Variants in UBASH3B observed in about 807,000 individuals in gnomAD.
The protein encoded by UBASH3B is ubiquitin associated and SH3 domain containing B.
Under a neutral mutation model 83.4 loss-of-function variants are expected in UBASH3B, and 37 were observed. That is an observed-to-expected ratio of 0.44 (90% CI 0.34 to 0.58). UBASH3B has a LOEUF of 0.58. Ranked by LOEUF, UBASH3B falls within the 20% of genes least tolerant of loss-of-function variation. The pLI, the probability that UBASH3B is intolerant of heterozygous loss-of-function variation, is 0.01. For synonymous variants in UBASH3B, 304 were observed against 318.3 expected (o/e 0.96, Z 0.48); for missense variants, 657 against 827.2 (o/e 0.79, Z 2.52).
At chr11:122,787,602 T>A (rs1458051430) in intron 5 of UBASH3B, among the ~76,000 whole-genome samples, 1 of 152,170 alleles carries the variant, frequency 6.6e-6, no homozygotes, top group Non-Finnish European at 1.5e-5. Context: ...GCCAATTAGT[T>A]CACAGGCCTA....
At position 122,766,505 on chromosome 11, in the gene UBASH3B, A is replaced by G. The variant is rs535114561; in HGVS notation, c.162-9714A>G. On this transcript the variant is annotated intron_variant, in intron 1 of 13. Transcript: ENST00000284273. The stretch of plus-strand genomic sequence containing the variant: ...GCTTGCAGTGAGCCGAGATCGCGCC[A>G]CTGCACTCCAGCCTGGGCGACGGAG... Among the ~76,000 whole-genome samples, 780 of 152,310 alleles carry G rather than the reference A, an allele frequency of 5.1e-3. 4 individuals are homozygous for G. Among genetic ancestry groups the G allele is most frequent in the African/African-American group, 0.018 (751 of 41,566 alleles).
chr11:122,801,461 C>A, intron 11 of UBASH3B, 129 bp downstream of exon 11: 1 of 1,115,726 alleles, frequency 9.0e-7, no homozygotes, highest in Non-Finnish European at 1.2e-6. Flanking sequence ...TGGTGGAAAA[C>A]GAGCTATGAT....
At chr11:122,691,408 A>G (rs1304666530) in intron 1 of UBASH3B, among the ~76,000 whole-genome samples, 1 of 152,176 alleles carries the variant, frequency 6.6e-6, no homozygotes, top group Non-Finnish European at 1.5e-5. Flanking sequence ...TTGGGTGCAA[A>G]CTAGAGGAAA....
At chr11:122,753,605 T>C (rs1382291349) in intron 1 of UBASH3B, among the ~76,000 whole-genome samples, 1 of 146,036 alleles carries the variant, frequency 6.8e-6, no homozygotes, top group Non-Finnish European at 1.5e-5. Flanking sequence ...CAAGCGATTC[T>C]CCTGCCTCAG....
In UBASH3B at chr11:122,811,821, C is replaced by T. The variant is rs1344279546; in HGVS notation, c.*1935C>T. The stretch of plus-strand genomic sequence containing the variant: ...CCAATAAAGGTCTTAAGAGAAAAGT[C>T]ACATTACAAGTAATGTAATGGCTCT... On this transcript the variant is annotated 3_prime_UTR_variant, in exon 14 of 14. Transcript: ENST00000284273. 6.6e-5 allele frequency: 10 copies of T among 152,122 alleles called. No individual in the cohort carries two copies. The highest frequency in any genetic ancestry group is 1.5e-4 in the Non-Finnish European group (10 of 68,036). 9.4% of individuals were successfully genotyped at this position (152,122 alleles called of 1,614,324 possible). A position where few individuals can be genotyped will look rare whatever the true frequency, so the allele number is the denominator to read the frequency against.
At chr11:122,745,444 A>G (rs1861103624) in intron 1 of UBASH3B, among the ~76,000 whole-genome samples, 1 of 152,230 alleles carries the variant, frequency 6.6e-6, no homozygotes, top group African/African-American at 2.4e-5. Flanking sequence ...ACTGGGGAGC[A>G]TGATCACAGT....
At chr11:122,725,448 A>T (rs538855710) in intron 1 of UBASH3B, among the ~76,000 whole-genome samples, 2 of 152,032 alleles carry the variant, frequency 1.3e-5, no homozygotes, top group South Asian at 2.1e-4. Context: ...AACCGTGGTC[A>T]GGAGGCAAGG....
At chr11:122,784,064 C>G (rs1343220968) in intron 5 of UBASH3B, among the ~76,000 whole-genome samples, 1 of 152,026 alleles carries the variant, frequency 6.6e-6, no homozygotes, top group Non-Finnish European at 1.5e-5. Context: ...CCTCAGCCTC[C>G]CTAGTAGCTG....
intron 1 of UBASH3B, among the ~76,000 whole-genome samples, chr11:122,667,742 C>A (rs932814268): frequency 1.3e-5 from 2 of 152,132 alleles, no homozygotes; most frequent in Non-Finnish European, 2.9e-5. Flanking sequence ...TTGGAAGAAA[C>A]CTCCAGAGGT....
chr11:122,751,099 T>A (rs1260015305), intron 1 of UBASH3B, among the ~76,000 whole-genome samples: 2 of 93,812 alleles, frequency 2.1e-5, no homozygotes, highest in African/African-American at 6.1e-5. Flanking sequence ...CCATGTTGTT[T>A]ACGCTTCCCG....
chr11:122,798,583 C>T (rs7927656), intron 9 of UBASH3B, among the ~76,000 whole-genome samples: 8,935 of 151,652 alleles, frequency 0.059, 654 homozygotes, highest in East Asian at 0.31. Context: ...TGGTGGTGCG[C>T]GCCTGTACTC....
chr11:122,691,243 T>G (rs1168485648), intron 1 of UBASH3B, among the ~76,000 whole-genome samples: 1 of 152,236 alleles, frequency 6.6e-6, no homozygotes, highest in African/African-American at 2.4e-5. Flanking sequence ...TCTGGTAACA[T>G]CATCAAGAAG....
At chr11:122,776,386 C>A in intron 2 of UBASH3B, 114 bp downstream of exon 2, 1 of 952,540 alleles carries the variant, frequency 1.0e-6, no homozygotes, top group Non-Finnish European at 1.5e-6. Context: ...GAGACAGGAG[C>A]CAAAAGACTG....
intron 1 of UBASH3B, among the ~76,000 whole-genome samples, chr11:122,742,766 A>T (rs1375502208): frequency 6.6e-6 from 1 of 152,258 alleles, no homozygotes; most frequent in Non-Finnish European, 1.5e-5. Flanking sequence ...GAGAAAGGGA[A>T]AAACTGAAGT....
At chr11:122,805,009 GC>G (rs1861314030) in intron 11 of UBASH3B, among the ~76,000 whole-genome samples, 1 of 152,180 alleles carries the variant, frequency 6.6e-6, no homozygotes, top group African/African-American at 2.4e-5. Flanking sequence ...AGGAAGCCTA[GC>G]TTTGATCATC....
At chr11:122,679,272 G>A (rs1012794365) in intron 1 of UBASH3B, among the ~76,000 whole-genome samples, 2 of 152,354 alleles carry the variant, frequency 1.3e-5, no homozygotes, top group South Asian at 2.1e-4. Context: ...GTGCACCAAC[G>A]CAGTGTATTT....
chr11:122,668,686 T>C (rs1447516109), intron 1 of UBASH3B, among the ~76,000 whole-genome samples: 2 of 152,244 alleles, frequency 1.3e-5, no homozygotes, highest in Non-Finnish European at 2.9e-5. Flanking sequence ...TTTTGAACGT[T>C]ATTTCTATAG....
chr11:122,736,752 G>T (rs1252966347), intron 1 of UBASH3B, among the ~76,000 whole-genome samples: 1 of 151,996 alleles, frequency 6.6e-6, no homozygotes, highest in Non-Finnish European at 1.5e-5. Context: ...GTAACTGGGA[G>T]ATTTAAGGAT....
At chr11:122,783,887 GA>G (rs796677715) in intron 5 of UBASH3B, among the ~76,000 whole-genome samples, 52 of 151,752 alleles carry the variant, frequency 3.4e-4, no homozygotes, top group African/African-American at 1.2e-3. Flanking sequence ...TCCTTTGAGG[GA>G]ATCAACATTG....
Sources: gnomAD v4.1 joint callset for allele counts (sites outside exome capture counted in the v4.1 genomes callset) on GRCh38, gnomAD v4.1.1 for gene constraint, MANE v1.5 for transcripts, NCBI Gene and HGNC (gene_info 2026-07-23, HGNC 2026-07-21) for gene names.